RUNX2: variants seen among roughly 807,000 people sequenced by gnomAD.
RUNX2 encodes RUNX family transcription factor 2, also known as runt-related transcription factor 2.
In RUNX2, 10 loss-of-function variants were observed where a neutral mutation model predicts 51.7. That is an observed-to-expected ratio of 0.19 (90% CI 0.12 to 0.33). The LOEUF is 0.33. RUNX2 is among the 10% of genes least tolerant of loss of function. The pLI, the probability that RUNX2 is intolerant of heterozygous loss-of-function variation, is 1.00. For missense variants in RUNX2, 562 were observed against 691.3 expected (o/e 0.81, Z 2.10); for synonymous variants, 276 against 273.6 (o/e 1.01, Z -0.09).
intron 2 of RUNX2, chr6:45,365,197 T>C: frequency 6.3e-7 from 1 of 1,582,796 alleles, no homozygotes; most frequent in Non-Finnish European, 8.6e-7. Context: ...AGGGACATAC[T>C]TACATCATAC....
chr6:45,391,750 C>G (rs968208816), intron 2 of RUNX2, among the ~76,000 whole-genome samples: 2 of 152,120 alleles, frequency 1.3e-5, no homozygotes, highest in African/African-American at 4.8e-5. Flanking sequence ...CCTTATAAAA[C>G]TCACTATCAC....
At chr6:45,471,662 T>A (rs1218096578) in intron 5 of RUNX2, among the ~76,000 whole-genome samples, 1 of 152,130 alleles carries the variant, frequency 6.6e-6, no homozygotes. Flanking sequence ...GCCAGGATGG[T>A]CTTGATCTCC....
At chr6:45,536,900 C>T (rs76130013) in intron 7 of RUNX2, among the ~76,000 whole-genome samples, 1 of 152,136 alleles carries the variant, frequency 6.6e-6, no homozygotes, top group Non-Finnish European at 1.5e-5. Flanking sequence ...TTGGCTGGAC[C>T]TGCAGCTGGG....
chr6:45,503,694 A>G (rs1216679060), intron 6 of RUNX2, among the ~76,000 whole-genome samples: 2 of 152,232 alleles, frequency 1.3e-5, no homozygotes, highest in African/African-American at 4.8e-5. Flanking sequence ...GACATGTGGT[A>G]TAGCCTCTTT....
intron 8 of RUNX2, 98 bp downstream of exon 8, chr6:45,545,380 G>A (rs2150452207): frequency 1.5e-6 from 2 of 1,325,962 alleles, no homozygotes; most frequent in East Asian, 2.5e-5. Flanking sequence ...ACTATATGTT[G>A]CTTTTAAAGA....
Position 45,492,092 on chromosome 6 carries a change from A to G in RUNX2, c.837A>G (p.Pro279=), listed in dbSNP as rs1264361049. The change falls in exon 6 of 9, where the codon CCA becomes CCG. Residue 279 remains proline (P), a synonymous_variant. Coordinates refer to ENST00000647337, the MANE Select transcript of RUNX2 (RefSeq NM_001024630.4). Reference sequence around the variant, plus strand: ...ACTCTGCACCAAGTCCTTTTAATCCACAAGGACAGAGTCAGATTACAGGTA... The same window carrying G: ...ACTCTGCACCAAGTCCTTTTAATCCGCAAGGACAGAGTCAGATTACAGGTA... ...SLNSAPSPFN[P]QGQSQITDPR... The G allele has an allele frequency of 5.6e-6, 9 of 1,613,690 alleles. No individual in the cohort carries two copies. Among genetic ancestry groups the G allele is most frequent in the Non-Finnish European group, 5.1e-6 (6 of 1,179,824 alleles).
At chr6:45,389,708 C>G (rs1188950334) in intron 2 of RUNX2, among the ~76,000 whole-genome samples, 2 of 151,988 alleles carry the variant, frequency 1.3e-5, no homozygotes, top group African/African-American at 4.8e-5. Context: ...ACAGAAAGAG[C>G]AGAATTAGAA....
chr6:45,462,795 G>A (rs1490648838), intron 5 of RUNX2, among the ~76,000 whole-genome samples: 1 of 152,206 alleles, frequency 6.6e-6, no homozygotes, highest in Non-Finnish European at 1.5e-5. Flanking sequence ...ATTTGAACTT[G>A]AATGAAACTT....
At chr6:45,422,058 G>T in intron 2 of RUNX2, 1 of 147,834 alleles carries the variant, frequency 6.8e-6, no homozygotes, top group South Asian at 2.1e-4. Context: ...GCGCGGGAGG[G>T]CGGAGGCGCG....
Position 45,431,913 on chromosome 6 carries a change from G to A in RUNX2, c.474G>A (p.Ala158=), listed in dbSNP as rs549934715. The change falls in exon 4 of 9, where the codon GCG becomes GCA. Residue 158 remains alanine (A), a synonymous_variant. Transcript: ENST00000647337. ...ATGGGACTGTGGTTACTGTCATGGC[G>A]GGTAACGATGAAAATTATTCTGCTG... The part of the protein sequence containing the change: ...VPDGTVVTVM[A]GNDENYSAEL... The A allele has an allele frequency of 2.7e-5, 43 of 1,614,040 alleles. No homozygotes were observed. The South Asian group carries it at 3.6e-4, about 14-fold the overall frequency.
At chr6:45,377,994 T>G (rs2295295) in intron 2 of RUNX2, 20,071 of 145,794 alleles carry the variant, frequency 0.14, 1,544 homozygotes, top group East Asian at 0.26. Context: ...GGGCGGGGGT[T>G]GCGGAGACTG....
chr6:45,398,285 C>T (rs1797624920), intron 2 of RUNX2, among the ~76,000 whole-genome samples: 1 of 152,168 alleles, frequency 6.6e-6, no homozygotes, highest in African/African-American at 2.4e-5. Flanking sequence ...GAGCTCTTCA[C>T]ACACTGCCTG....
intron 2 of RUNX2, chr6:45,372,006 C>CTA: frequency 2.2e-6 from 2 of 929,384 alleles, no homozygotes; most frequent in Non-Finnish European, 2.6e-6. Context: ...GTTCTTTCTA[C>CTA]TATACATCAA....
rs974881483 is a variant in RUNX2 at position 45,379,870 on chromosome 6, GA to G, written c.59-42712del. On this transcript the variant is annotated intron_variant, in intron 2 of 8. Coordinates refer to ENST00000647337, the MANE Select transcript of RUNX2 (RefSeq NM_001024630.4). ...ACAGAACTAGACTCCGTCAAAAAAA[GA>G]AAAAAAAAAATCACGCACAACAAAA... 2.9e-3 allele frequency among the ~76,000 whole-genome samples: 422 copies of G among 143,688 alleles called. 2 individuals carry two copies. The highest frequency in any genetic ancestry group is 7.2e-3 in the Middle Eastern group (2 of 276). The allele number at this position is 143,688 out of a possible 152,430, so 94.3% of individuals were successfully genotyped here.
chr6:45,414,009 A>G (rs1411645360), intron 2 of RUNX2, among the ~76,000 whole-genome samples: 1 of 152,238 alleles, frequency 6.6e-6, no homozygotes, highest in Non-Finnish European at 1.5e-5. Flanking sequence ...ATTGAATACC[A>G]ATAAATACAT....
At chr6:45,485,001 G>A (rs138251727) in intron 5 of RUNX2, among the ~76,000 whole-genome samples, 49 of 152,184 alleles carry the variant, frequency 3.2e-4, no homozygotes, top group Middle Eastern at 3.4e-3. Flanking sequence ...ACATCCTGTG[G>A]CTTGAGCCCT....
chr6:45,347,848 A>G (rs1010447048), intron 2 of RUNX2, among the ~76,000 whole-genome samples: 1 of 152,096 alleles, frequency 6.6e-6, no homozygotes, highest in African/African-American at 2.4e-5. Flanking sequence ...TGTAATTACT[A>G]TTTTTAAAAA....
chr6:45,372,023 T>C lies in RUNX2; in HGVS notation c.58+43239T>C, dbSNP rs965172192. The stretch of plus-strand genomic sequence containing the variant: ...TCTTTCTACTATACATCAAAGAATA[T>C]ACAAATAAAAGTTTATCATAACTAA... On this transcript the variant is annotated intron_variant, in intron 2 of 8. Coordinates refer to ENST00000647337, the MANE Select transcript of RUNX2 (RefSeq NM_001024630.4). The C allele has an allele frequency of 8.4e-6, 8 of 957,108 alleles. No individual in the cohort carries two copies. In the African/African-American group the frequency reaches 8.8e-5, roughly 11 times the overall value. The allele number at this position is 957,108 out of a possible 1,614,324, so 59.3% of individuals were successfully genotyped here.
intron 2 of RUNX2, among the ~76,000 whole-genome samples, chr6:45,392,988 C>T (rs1797503242): frequency 6.6e-6 from 1 of 152,038 alleles, no homozygotes; most frequent in African/African-American, 2.4e-5. Flanking sequence ...TTTTGATGAG[C>T]CCATCAAAAG....
Sources: allele counts gnomAD v4.1 joint callset (sites outside exome capture counted in the v4.1 genomes callset), GRCh38; gene constraint gnomAD v4.1.1; transcripts MANE v1.5; gene names NCBI Gene and HGNC (gene_info 2026-07-23, HGNC 2026-07-21).